The following PTPRD variants were observed in gnomAD, a reference collection of about 807,000 sequenced individuals.
PTPRD encodes receptor-type tyrosine-protein phosphatase delta.
A neutral mutation model predicts 214.5 loss-of-function variants in PTPRD; 34 were observed. The observed-to-expected ratio is 0.16, with a 90% CI of 0.12 to 0.21. The LOEUF is 0.21. PTPRD is among the 10% of genes least tolerant of loss of function. PTPRD has a pLI of 1.00. For synonymous variants in PTPRD, 1,128 were observed against 845.7 expected (o/e 1.33, Z -5.79); for missense variants, 2,545 against 2,398.7 (o/e 1.06, Z -1.27).
chr9:8,873,404 A>C (rs1225569423), intron 11 of PTPRD, among the ~76,000 whole-genome samples: 1 of 152,104 alleles, frequency 6.6e-6, no homozygotes, highest in African/African-American at 2.4e-5. Flanking sequence ...CCCCAATCAG[A>C]ATATAAGCTC....
intron 10 of PTPRD, among the ~76,000 whole-genome samples, chr9:9,178,627 C>T (rs1030379751): frequency 6.6e-6 from 1 of 152,058 alleles, no homozygotes; most frequent in African/African-American, 2.4e-5. Flanking sequence ...AGAGTCATTA[C>T]AACTATAGGC....
At chr9:9,544,229 A>G (rs189558956) in intron 8 of PTPRD, among the ~76,000 whole-genome samples, 188 of 151,766 alleles carry the variant, frequency 1.2e-3, no homozygotes, top group African/African-American at 4.3e-3. Flanking sequence ...ATTGTACTAT[A>G]AGAACCAAAT....
intron 2 of PTPRD, among the ~76,000 whole-genome samples, chr9:10,498,178 C>T (rs1201440207): frequency 6.6e-6 from 1 of 151,936 alleles, no homozygotes; most frequent in Non-Finnish European, 1.5e-5. Flanking sequence ...CAAGACATGA[C>T]ATGCTACCTA....
intron 2 of PTPRD, among the ~76,000 whole-genome samples, chr9:10,560,789 C>G (rs958800360): frequency 6.6e-6 from 1 of 152,020 alleles, no homozygotes; most frequent in African/African-American, 2.4e-5. Flanking sequence ...AATTTAGTTC[C>G]TCTGTCACAC....
At chr9:10,551,030 C>T (rs1284415081) in intron 2 of PTPRD, among the ~76,000 whole-genome samples, 2 of 152,182 alleles carry the variant, frequency 1.3e-5, no homozygotes, top group African/African-American at 2.4e-5. Flanking sequence ...TGACACAACT[C>T]TGTCATTAAA....
intron 35 of PTPRD, among the ~76,000 whole-genome samples, chr9:8,435,700 TACACACAC>T (rs3043782): frequency 1.1e-4 from 16 of 148,876 alleles, no homozygotes; most frequent in Middle Eastern, 3.4e-3. Context: ...AATATCCAAA[TACACACAC>T]ACACACACAC....
chr9:9,583,897 A>G (rs971830810), intron 7 of PTPRD, among the ~76,000 whole-genome samples: 6 of 152,040 alleles, frequency 3.9e-5, no homozygotes, highest in African/African-American at 1.4e-4. Flanking sequence ...CTTACTCGCC[A>G]TGGTTGGCTA....
intron 11 of PTPRD, among the ~76,000 whole-genome samples, chr9:8,942,559 A>G (rs2154295971): frequency 6.6e-6 from 1 of 152,328 alleles, no homozygotes; most frequent in African/African-American, 2.4e-5. Flanking sequence ...ACAGCAGTTA[A>G]GGGTTAACGC....
intron 8 of PTPRD, among the ~76,000 whole-genome samples, chr9:9,479,387 GT>G (rs2095297249): frequency 6.8e-6 from 1 of 147,626 alleles, no homozygotes; most frequent in Admixed American, 6.8e-5. Flanking sequence ...ACTCATTGCT[GT>G]TTTTGTATAT....
At chr9:9,761,084 T>C (rs1223173025) in intron 6 of PTPRD, among the ~76,000 whole-genome samples, 1 of 152,218 alleles carries the variant, frequency 6.6e-6, no homozygotes, top group African/African-American at 2.4e-5. Context: ...CATATTCATA[T>C]AAAAACACGT....
chr9:8,592,155 AT>A, intron 14 of PTPRD, among the ~76,000 whole-genome samples: 1 of 152,318 alleles, frequency 6.6e-6, no homozygotes, highest in African/African-American at 2.4e-5. Context: ...AATACACTTA[AT>A]CAGACAGATT....
At chr9:9,998,129 A>AAAAAAAAAAATATAT (rs57991748) in intron 4 of PTPRD, among the ~76,000 whole-genome samples, 3 of 91,450 alleles carry the variant, frequency 3.3e-5, no homozygotes, top group Non-Finnish European at 5.9e-5. Flanking sequence ...AAAAAAAAAA[A>AAAAAAAAAAATATAT]ATATATATAT....
chr9:8,795,922 G>A (rs1332316298), intron 11 of PTPRD, among the ~76,000 whole-genome samples: 1 of 151,926 alleles, frequency 6.6e-6, no homozygotes, highest in Non-Finnish European at 1.5e-5. Context: ...CAAAAAAAAA[G>A]AAAAGGCACT....
chr9:8,366,863 G>T (rs1190055121), intron 39 of PTPRD, among the ~76,000 whole-genome samples: 1 of 152,168 alleles, frequency 6.6e-6, no homozygotes, highest in African/African-American at 2.4e-5. Flanking sequence ...CAAAGAGCAT[G>T]GCCCTTAAAA....
intron 2 of PTPRD, among the ~76,000 whole-genome samples, chr9:10,424,549 G>A (rs2098594457): frequency 6.6e-6 from 1 of 151,870 alleles, no homozygotes; most frequent in African/African-American, 2.4e-5. Flanking sequence ...TCATGTGGAT[G>A]CTCTCCTGAC....
intron 3 of PTPRD, among the ~76,000 whole-genome samples, chr9:10,047,106 A>T (rs1649773481): frequency 6.6e-6 from 1 of 151,966 alleles, no homozygotes; most frequent in Non-Finnish European, 1.5e-5. Context: ...CTATAGTTTG[A>T]ATATTTCCAC....
intron 7 of PTPRD, among the ~76,000 whole-genome samples, chr9:9,690,640 G>A (rs950682784): frequency 6.6e-6 from 1 of 151,834 alleles, no homozygotes; most frequent in African/African-American, 2.4e-5. Flanking sequence ...ATTTTGATTT[G>A]TTTTATATGT....
chr9:9,960,351 A>T (rs1339221368), intron 4 of PTPRD, among the ~76,000 whole-genome samples: 2 of 152,146 alleles, frequency 1.3e-5, no homozygotes, highest in Non-Finnish European at 2.9e-5. Context: ...CACGTAGAAT[A>T]ATTCTAAATA....
At chr9:10,395,277 G>C (rs1192801996) in intron 2 of PTPRD, among the ~76,000 whole-genome samples, 1 of 143,926 alleles carries the variant, frequency 6.9e-6, no homozygotes, top group African/African-American at 2.6e-5. Flanking sequence ...ACAGGCCCCA[G>C]TGTGTGAGGC....
Sources: gnomAD v4.1 joint callset for allele counts (sites outside exome capture counted in the v4.1 genomes callset) on GRCh38, gnomAD v4.1.1 for gene constraint, MANE v1.5 for transcripts, NCBI Gene and HGNC (gene_info 2026-07-23, HGNC 2026-07-21) for gene names.